The following DPF3 variants were observed in gnomAD, a reference collection of about 807,000 sequenced individuals.
The protein encoded by DPF3 is double PHD fingers 3, also known as zinc finger protein DPF3.
DPF3 carries 18 observed loss-of-function variants against 56.8 expected under a neutral mutation model. That is an observed-to-expected ratio of 0.32 (90% CI 0.22 to 0.47). DPF3 has a LOEUF of 0.47. Ranked by LOEUF, DPF3 falls within the 20% of genes least tolerant of loss-of-function variation. DPF3 has a pLI of 1.00. For synonymous variants in DPF3, 188 were observed against 180.2 expected (o/e 1.04, Z -0.35); for missense variants, 403 against 488.8 (o/e 0.82, Z 1.65).
chr14:72,832,667 A>C (rs1884109548), intron 1 of DPF3, among the ~76,000 whole-genome samples: 1 of 152,244 alleles, frequency 6.6e-6, no homozygotes, highest in Admixed American at 6.5e-5. Context: ...TATAAATGCA[A>C]TACAATATAG....
At chr14:72,804,774 C>A (rs1347466796) in intron 1 of DPF3, among the ~76,000 whole-genome samples, 1 of 152,146 alleles carries the variant, frequency 6.6e-6, no homozygotes, top group Non-Finnish European at 1.5e-5. Context: ...TTCCTTCTCA[C>A]TACTCCTGTG....
At position 72,894,048 on chromosome 14, in the gene DPF3, C is replaced by A; in HGVS notation, c.32+9G>T. On this transcript the variant is annotated intron_variant, in intron 1 of 10. Transcript: ENST00000556509. ...ACGCGGAATATGTACATTTTTTAGT[C>A]TTACTTACGCTTTCAGGGGGTTGTG... 6.2e-7 allele frequency: 1 copy of A among 1,609,468 alleles called. No individual in the cohort carries two copies. Among genetic ancestry groups the A allele is most frequent in the Admixed American group, 1.7e-5 (1 of 58,802 alleles).
At chr14:72,816,851 T>C (rs964369562) in intron 1 of DPF3, among the ~76,000 whole-genome samples, 1 of 152,252 alleles carries the variant, frequency 6.6e-6, no homozygotes, top group Non-Finnish European at 1.5e-5. Context: ...AGAGATGTTA[T>C]ACTCAACATT....
chr14:72,654,221 T>A (rs1451639333), intron 8 of DPF3, among the ~76,000 whole-genome samples: 1 of 151,976 alleles, frequency 6.6e-6, no homozygotes, highest in Non-Finnish European at 1.5e-5. Context: ...TTCCACTCCA[T>A]TCACGCTCAT....
Position 72,809,843 on chromosome 14 carries a change from G to C in DPF3, c.33-37950C>G, listed in dbSNP as rs138178251. ...CCCTGTGGATGAGAGGGTGGAACTAGAGGTTCTAGAAGCAAGTGCTTGAGT... is the reference window on the plus strand; with the variant it reads ...CCCTGTGGATGAGAGGGTGGAACTACAGGTTCTAGAAGCAAGTGCTTGAGT... On this transcript the variant is annotated intron_variant, in intron 1 of 10. Coordinates refer to ENST00000556509, the MANE Select transcript of DPF3 (RefSeq NM_001280542.3). Among the ~76,000 whole-genome samples, 458 of 152,328 alleles carry C rather than the reference G, an allele frequency of 3.0e-3. 4 individuals carry two copies. Among genetic ancestry groups the C allele is most frequent in the African/African-American group, 0.01 (435 of 41,570 alleles).
intron 1 of DPF3, among the ~76,000 whole-genome samples, chr14:72,885,233 C>T (rs1006895061): frequency 1.3e-5 from 2 of 150,920 alleles, no homozygotes; most frequent in Non-Finnish European, 2.9e-5. Context: ...TATCCCAGAA[C>T]GCAATGGACT....
At chr14:72,692,710 C>T (rs2153572990) in intron 7 of DPF3, among the ~76,000 whole-genome samples, 1 of 152,340 alleles carries the variant, frequency 6.6e-6, no homozygotes, top group East Asian at 1.9e-4. Flanking sequence ...TGAACTGACA[C>T]ACCTATTACC....
Position 72,884,949 on chromosome 14 carries a change from T to TAC in DPF3, c.32+9107_32+9108insGT, listed in dbSNP as rs1261163282. 2.3e-4 allele frequency among the ~76,000 whole-genome samples: 19 copies of TAC among 81,862 alleles called. No individual in the cohort carries two copies. In the East Asian group the frequency reaches 8.3e-3, roughly 36 times the overall value. 53.7% of individuals were successfully genotyped at this position (81,862 alleles called of 152,430 possible). A position where few individuals can be genotyped will look rare whatever the true frequency, so the allele number is the denominator to read the frequency against. ...GTCTCTACTAAAAATACTATATATA[T>TAC]ATATATATATATATATATATATTAG... On this transcript the variant is annotated intron_variant, in intron 1 of 10. Transcript: ENST00000556509.
chr14:72,813,533 A>G (rs1261838986), intron 1 of DPF3, among the ~76,000 whole-genome samples: 2 of 152,152 alleles, frequency 1.3e-5, no homozygotes, highest in African/African-American at 4.8e-5. Context: ...CCACTCACAA[A>G]TATCTCATCC....
chr14:72,739,164 C>T (rs1443458499), intron 3 of DPF3, among the ~76,000 whole-genome samples: 1 of 151,872 alleles, frequency 6.6e-6, no homozygotes, highest in Non-Finnish European at 1.5e-5. Flanking sequence ...ATCGCTTGAA[C>T]CTGGAAGGGG....
intron 6 of DPF3, among the ~76,000 whole-genome samples, chr14:72,714,023 G>A (rs967362952): frequency 2.0e-5 from 3 of 152,222 alleles, no homozygotes; most frequent in Admixed American, 6.5e-5. Context: ...AAGCCATGGC[G>A]AGCCAAGTAC....
chr14:72,749,808 G>A (rs531341800), intron 3 of DPF3, among the ~76,000 whole-genome samples: 52 of 151,666 alleles, frequency 3.4e-4, no homozygotes, highest in Non-Finnish European at 5.9e-4. Context: ...AGCTGTGATC[G>A]TGCCACTGCA....
intron 8 of DPF3, among the ~76,000 whole-genome samples, chr14:72,638,974 G>A (rs1330201414): frequency 2.0e-5 from 3 of 152,024 alleles, no homozygotes; most frequent in East Asian, 1.9e-4. Flanking sequence ...CCGCCACCAT[G>A]CCTGGCTAAT....
At chr14:72,887,791 C>G (rs1886605354) in intron 1 of DPF3, among the ~76,000 whole-genome samples, 1 of 152,104 alleles carries the variant, frequency 6.6e-6, no homozygotes, top group Non-Finnish European at 1.5e-5. Flanking sequence ...CTCCATTACT[C>G]TGAAGTCACT....
At position 72,825,369 on chromosome 14, in the gene DPF3, G is replaced by A. The variant is rs149764534; in HGVS notation, c.33-53476C>T. Among the ~76,000 whole-genome samples the A allele has an allele frequency of 2.4e-3, 363 of 152,292 alleles. 1 individual carries two copies. The highest frequency in any genetic ancestry group is 7.8e-3 in the African/African-American group (324 of 41,558). ...CCACAAGGAGCAACCTGGTACTGGC[G>A]GACATTTTTGATTCCTGCATCCATT... On this transcript the variant is annotated intron_variant, in intron 1 of 10. Transcript: ENST00000556509.
intron 7 of DPF3, among the ~76,000 whole-genome samples, chr14:72,690,401 G>A (rs748584404): frequency 6.6e-6 from 1 of 152,082 alleles, no homozygotes; most frequent in Non-Finnish European, 1.5e-5. Flanking sequence ...ACACCTCCCC[G>A]TGCAGCCACA....
At chr14:72,722,469 T>C (rs1889216829) in intron 5 of DPF3, among the ~76,000 whole-genome samples, 1 of 152,210 alleles carries the variant, frequency 6.6e-6, no homozygotes, top group African/African-American at 2.4e-5. Context: ...TAAAGCAGAA[T>C]TTCTGAGTGG....
chr14:72,716,941 C>T (rs891708693), intron 5 of DPF3, among the ~76,000 whole-genome samples: 49 of 151,894 alleles, frequency 3.2e-4, no homozygotes, highest in African/African-American at 9.7e-4. Context: ...TCCACCCTAA[C>T]GGGGGATCTA....
intron 8 of DPF3, among the ~76,000 whole-genome samples, chr14:72,663,758 T>C (rs1446940172): frequency 6.6e-6 from 1 of 152,046 alleles, no homozygotes; most frequent in Non-Finnish European, 1.5e-5. Flanking sequence ...AGAGGGAGAA[T>C]GGGCCTAAAT....
Sources: allele counts gnomAD v4.1 joint callset (sites outside exome capture counted in the v4.1 genomes callset), GRCh38; gene constraint gnomAD v4.1.1; transcripts MANE v1.5; gene names NCBI Gene and HGNC (gene_info 2026-07-23, HGNC 2026-07-21).